OR51B5: variants seen among roughly 807,000 people sequenced by gnomAD.
OR51B5 encodes the protein olfactory receptor family 51 subfamily B member 5, also known as olfactory receptor 51B5.
For missense variants in OR51B5, 456 were observed against 374.6 expected (o/e 1.22, Z -1.79); for synonymous variants, 186 against 144.8 (o/e 1.28, Z -2.04).
At chr11:5,374,297 A>C (rs2133710229) in intron 1 of OR51B5, among the ~76,000 whole-genome samples, 2 of 152,228 alleles carry the variant, frequency 1.3e-5, no homozygotes, top group South Asian at 4.2e-4. Flanking sequence ...AAAACTAACA[A>C]ACAGAAAGGA....
rs546965603 is a variant in OR51B5 at position 5,343,321 on chromosome 11, G to C, written c.204C>G (p.Asp68Glu). The change falls in exon 1 of 1, where the codon GAC becomes GAG. Residue 68 changes from aspartate (D) to glutamate (E), a missense_variant. Coordinates refer to ENST00000300773, the Ensembl canonical transcript of OR51B5. ...GCATTGTGGTCAGGGCCAGCCCCAGGTCTGTGGCAGCCAGCATGGCCAGAA... is the reference window on the plus strand; with the variant it reads ...GCATTGTGGTCAGGGCCAGCCCCAGCTCTGTGGCAGCCAGCATGGCCAGAA... 36 of 1,455,954 alleles carry C rather than the reference G, an allele frequency of 2.5e-5. No homozygotes were observed. Among genetic ancestry groups the C allele is most frequent in the Middle Eastern group, 1.7e-4 (1 of 5,780 alleles). 90.2% of individuals were successfully genotyped at this position (1,455,954 alleles called of 1,614,324 possible).
intron 1 of OR51B5, among the ~76,000 whole-genome samples, chr11:5,476,135 T>C (rs1851301762): frequency 6.6e-6 from 1 of 152,234 alleles, no homozygotes; most frequent in Admixed American, 6.5e-5. Flanking sequence ...AGAATCCTTT[T>C]CTTGGATACC....
At chr11:5,397,779 T>A (rs1220809846) in intron 1 of OR51B5, among the ~76,000 whole-genome samples, 1 of 150,856 alleles carries the variant, frequency 6.6e-6, no homozygotes, top group African/African-American at 2.4e-5. Context: ...CTATTCACAA[T>A]AGCAAAGACT....
intron 1 of OR51B5, among the ~76,000 whole-genome samples, chr11:5,373,023 T>C (rs1849468466): frequency 1.3e-5 from 2 of 152,158 alleles, no homozygotes; most frequent in South Asian, 4.1e-4. Context: ...AATTTACGTA[T>C]ATACAGTCCA....
chr11:5,420,543 A>T lies in OR51B5; in HGVS notation n.85-73633T>A, dbSNP rs534005140. 1.7e-3 allele frequency among the ~76,000 whole-genome samples: 252 copies of T among 152,078 alleles called. 1 individual carries two copies. Among genetic ancestry groups the T allele is most frequent in the African/African-American group, 5.8e-3 (242 of 41,550 alleles). On this transcript the variant is annotated intron_variant and non_coding_transcript_variant, in intron 1 of 4. Transcript: ENST00000415970. ...TAATCTCTTCCATATTTTTATAAAT[A>T]TTTTTGAAATGTTTAAATTTTACCA...
At chr11:5,370,023 C>A (rs1849425651) in intron 1 of OR51B5, among the ~76,000 whole-genome samples, 1 of 152,184 alleles carries the variant, frequency 6.6e-6, no homozygotes, top group South Asian at 2.1e-4. Flanking sequence ...AAACCTCCCT[C>A]TGCATGGCCC....
At chr11:5,484,879 C>T (rs1293684601) in intron 1 of OR51B5, among the ~76,000 whole-genome samples, 2 of 152,142 alleles carry the variant, frequency 1.3e-5, no homozygotes, top group African/African-American at 2.4e-5. Context: ...TGAGAATAAA[C>T]CTGCCTTTTA....
At chr11:5,394,038 GA>G (rs1485269799) in intron 1 of OR51B5, among the ~76,000 whole-genome samples, 1 of 152,016 alleles carries the variant, frequency 6.6e-6, no homozygotes. Context: ...GATAGCAACA[GA>G]AAACAGTAAC....
intron 1 of OR51B5, among the ~76,000 whole-genome samples, chr11:5,437,631 A>T (rs1467358339): frequency 1.3e-5 from 2 of 152,236 alleles, no homozygotes; most frequent in Non-Finnish European, 2.9e-5. Flanking sequence ...CCTGATTTAT[A>T]AAAAAGGATA....
chr11:5,474,656 A>G (rs906121507), intron 1 of OR51B5, among the ~76,000 whole-genome samples: 1 of 152,198 alleles, frequency 6.6e-6, no homozygotes, highest in Non-Finnish European at 1.5e-5. Flanking sequence ...AGTTGACAAG[A>G]TAATTTGTGC....
At chr11:5,448,099 C>G (rs76972556) in intron 1 of OR51B5, among the ~76,000 whole-genome samples, 15,023 of 152,224 alleles carry the variant, frequency 0.099, 1,124 homozygotes, top group African/African-American at 0.2. Context: ...GCTATGTCCT[C>G]AAGTTGCTGC....
chr11:5,382,239 TA>T (rs756689645), intron 1 of OR51B5, among the ~76,000 whole-genome samples: 3 of 152,180 alleles, frequency 2.0e-5, no homozygotes, highest in Non-Finnish European at 2.9e-5. Context: ...TCAAAACACA[TA>T]AACAACTTTT....
intron 1 of OR51B5, among the ~76,000 whole-genome samples, chr11:5,500,292 A>G (rs1429782665): frequency 6.6e-6 from 1 of 152,196 alleles, no homozygotes; most frequent in Non-Finnish European, 1.5e-5. Flanking sequence ...ATAGTGCCCT[A>G]TGTGATCTGA....
At chr11:5,497,511 C>T (rs1275245183) in intron 1 of OR51B5, among the ~76,000 whole-genome samples, 1 of 152,146 alleles carries the variant, frequency 6.6e-6, no homozygotes, top group Admixed American at 6.5e-5. Flanking sequence ...GATTGGGACA[C>T]TCTAGAGAGG....
intron 1 of OR51B5, among the ~76,000 whole-genome samples, chr11:5,434,811 G>A (rs1048446727): frequency 3.9e-5 from 6 of 152,096 alleles, no homozygotes; most frequent in South Asian, 2.1e-4. Flanking sequence ...CCTGAAACCC[G>A]TAAGTGGCTG....
chr11:5,419,259 G>C (rs1850293126), intron 1 of OR51B5, among the ~76,000 whole-genome samples: 1 of 152,132 alleles, frequency 6.6e-6, no homozygotes, highest in Admixed American at 6.5e-5. Context: ...CTATATCCAG[G>C]AATGAAAATG....
At chr11:5,346,681 C>A (rs1848996874), upstream of OR51B5, among the ~76,000 whole-genome samples, 1 of 152,198 alleles carries the variant, frequency 6.6e-6, no homozygotes, top group Admixed American at 6.5e-5. Flanking sequence ...GTTCTATCAA[C>A]TTCAGACTGA....
intron 1 of OR51B5, among the ~76,000 whole-genome samples, chr11:5,466,840 A>T (rs1322183452): frequency 6.6e-6 from 1 of 152,196 alleles, no homozygotes; most frequent in African/African-American, 2.4e-5. Context: ...CCAGGAGGAC[A>T]TTCTGCTTCC....
intron 1 of OR51B5, among the ~76,000 whole-genome samples, chr11:5,409,644 TGAAAATATA>T (rs918388674): frequency 9.9e-5 from 15 of 151,792 alleles, no homozygotes; most frequent in Non-Finnish European, 2.9e-5. Context: ...GCACAAAAAT[TGAAAATATA>T]AAGACGTGAA....
Sources: gnomAD v4.1 joint callset for allele counts (sites outside exome capture counted in the v4.1 genomes callset) on GRCh38, gnomAD v4.1.1 for gene constraint, MANE v1.5 for transcripts, NCBI Gene and HGNC (gene_info 2026-07-23, HGNC 2026-07-21) for gene names.